RNF115: variants seen among roughly 807,000 people sequenced by gnomAD.
RNF115 encodes the protein ring finger protein 115.
A neutral mutation model predicts 39.2 loss-of-function variants in RNF115; 31 were observed. The ratio of observed to expected loss-of-function variants is 0.79; its 90% confidence interval spans 0.59 to 1.07. The LOEUF is 1.07. RNF115 is among the 50% of genes least tolerant of loss of function. The pLI is 0.00. For missense variants in RNF115, 384 were observed against 381.7 expected, an observed-to-expected ratio of 1.01 and a Z score of -0.05; for synonymous variants, 124 against 131.0, an observed-to-expected ratio of 0.95 and a Z score of 0.37.
At chr1:145,815,514 G>A (rs1297514220) in intron 1 of RNF115, among the ~76,000 whole-genome samples, 5 of 152,266 alleles carry the variant, frequency 3.3e-5, no homozygotes, top group African/African-American at 9.6e-5. Flanking sequence ...TTGATTTAAT[G>A]GGGAAAGACG....
At chr1:145,754,170 A>G (rs1300155531) in intron 4 of RNF115, among the ~76,000 whole-genome samples, 1 of 152,102 alleles carries the variant, frequency 6.6e-6, no homozygotes, top group African/African-American at 2.4e-5. Flanking sequence ...ATTTTTCATT[A>G]TTTATTTTTA....
intron 1 of RNF115, among the ~76,000 whole-genome samples, chr1:145,814,466 C>T (rs587692903): frequency 3.1e-4 from 47 of 150,478 alleles, no homozygotes; most frequent in Non-Finnish European, 5.8e-4. Flanking sequence ...ACCTGTAATC[C>T]CAGCTACTTG....
chr1:145,768,187 G>A (rs1165512982), intron 4 of RNF115, among the ~76,000 whole-genome samples: 2 of 152,202 alleles, frequency 1.3e-5, no homozygotes, highest in Non-Finnish European at 2.9e-5. Context: ...ACTCTTCTCC[G>A]CTCAGATCCT....
rs908208289 is a variant in RNF115, at chr1:145,824,017, C to G, written c.-144G>C. 1 of 569,300 alleles carries G rather than the reference C, an allele frequency of 1.8e-6. No individual in the cohort carries two copies. Among genetic ancestry groups the G allele is most frequent in the Non-Finnish European group, 2.9e-6 (1 of 350,866 alleles). 35.3% of individuals were successfully genotyped at this position (569,300 alleles called of 1,614,324 possible). ...GCCCGCGTCGGTCACGTGAGTTGGC[C>G]AGGCCCAGAAACGCGGCGGCGCCAA... On this transcript the variant is annotated 5_prime_UTR_variant, in exon 1 of 9. Coordinates refer to ENST00000582693, the MANE Select transcript of RNF115 (RefSeq NM_014455.4).
intron 1 of RNF115, among the ~76,000 whole-genome samples, chr1:145,798,102 T>C (rs999406847): frequency 3.3e-5 from 5 of 152,192 alleles, no homozygotes; most frequent in African/African-American, 9.7e-5. Context: ...GGTTGCCTTT[T>C]CAAGTTGATT....
At chr1:145,750,831 C>A (rs1658059484) in intron 6 of RNF115, among the ~76,000 whole-genome samples, 1 of 152,060 alleles carries the variant, frequency 6.6e-6, no homozygotes, top group African/African-American at 2.4e-5. Flanking sequence ...TGTAACTGGT[C>A]CAAAAGCTTC....
intron 1 of RNF115, among the ~76,000 whole-genome samples, chr1:145,812,621 C>G (rs587655580): frequency 6.6e-5 from 10 of 151,612 alleles, no homozygotes; most frequent in African/African-American, 2.4e-4. Context: ...GATCGCACCA[C>G]TGCACTCCAG....
chr1:145,749,363 C>G (rs1245040185), intron 7 of RNF115, among the ~76,000 whole-genome samples: 3 of 152,152 alleles, frequency 2.0e-5, no homozygotes, highest in African/African-American at 7.2e-5. Flanking sequence ...CTCAAACCAG[C>G]TCCACAGCAA....
intron 3 of RNF115, among the ~76,000 whole-genome samples, chr1:145,778,932 A>G (rs587606327): frequency 5.3e-5 from 8 of 152,334 alleles, no homozygotes; most frequent in Non-Finnish European, 1.2e-4. Flanking sequence ...ATTCTCAGGT[A>G]GGTCATCCTG....
chr1:145,779,043 T>C (rs1553716934), intron 3 of RNF115, among the ~76,000 whole-genome samples: 1 of 152,200 alleles, frequency 6.6e-6, no homozygotes, highest in African/African-American at 2.4e-5. Flanking sequence ...TGTTCTATGT[T>C]TTCTCAGTAT....
At chr1:145,758,852 C>T (rs1474488836) in intron 4 of RNF115, among the ~76,000 whole-genome samples, 3 of 151,974 alleles carry the variant, frequency 2.0e-5, no homozygotes, top group Non-Finnish European at 1.5e-5. Context: ...AGCTGTTGCT[C>T]AGAGAACAAT....
chr1:145,801,937 AC>A (rs1649266686), intron 1 of RNF115, among the ~76,000 whole-genome samples: 1 of 152,026 alleles, frequency 6.6e-6, no homozygotes, highest in Non-Finnish European at 1.5e-5. Flanking sequence ...ACAGGTGTAT[AC>A]CATTACGCCC....
At chr1:145,771,990 T>C in intron 3 of RNF115, 71 bp from the exon 4 acceptor site, 1 of 1,258,154 alleles carries the variant, frequency 7.9e-7, no homozygotes, top group Non-Finnish European at 1.1e-6. Flanking sequence ...TTTACAGTTT[T>C]TTATATTACA....
chr1:145,790,226 T>C (rs1648600293), intron 1 of RNF115, among the ~76,000 whole-genome samples: 1 of 151,912 alleles, frequency 6.6e-6, no homozygotes, highest in Admixed American at 6.6e-5. Flanking sequence ...CCACAACCTC[T>C]GCCTCCCAGG....
At chr1:145,764,472 G>A (rs1432244020) in intron 4 of RNF115, among the ~76,000 whole-genome samples, 3 of 151,732 alleles carry the variant, frequency 2.0e-5, no homozygotes, top group Non-Finnish European at 2.9e-5. Flanking sequence ...TGTGAGGAGC[G>A]CCTCTGCCCG....
At chr1:145,757,763 C>T (rs762549034) in intron 4 of RNF115, among the ~76,000 whole-genome samples, 1 of 152,040 alleles carries the variant, frequency 6.6e-6, no homozygotes, top group East Asian at 1.9e-4. Flanking sequence ...AATCTCTATA[C>T]CTGTTCAGAA....
intron 1 of RNF115, among the ~76,000 whole-genome samples, chr1:145,815,578 C>G (rs1237779943): frequency 6.6e-6 from 1 of 152,200 alleles, no homozygotes; most frequent in African/African-American, 2.4e-5. Flanking sequence ...ACACAGCCCT[C>G]TGTGGTGTAC....
At chr1:145,775,224 C>A (rs1428060097) in intron 3 of RNF115, among the ~76,000 whole-genome samples, 2 of 152,074 alleles carry the variant, frequency 1.3e-5, no homozygotes, top group Non-Finnish European at 2.9e-5. Context: ...CTATACAGAA[C>A]CCTAATTATA....
chr1:145,764,183 C>T (rs1017441589), intron 4 of RNF115, among the ~76,000 whole-genome samples: 2 of 152,186 alleles, frequency 1.3e-5, no homozygotes, highest in African/African-American at 2.4e-5. Context: ...CCCGAGGTGC[C>T]GGGATTGCAG....
Sources: gnomAD v4.1 joint callset for allele counts (sites outside exome capture counted in the v4.1 genomes callset) on GRCh38, gnomAD v4.1.1 for gene constraint, MANE v1.5 for transcripts, NCBI Gene and HGNC (gene_info 2026-07-23, HGNC 2026-07-21) for gene names.